The following CLEC18A variants were observed in gnomAD, a reference collection of about 807,000 sequenced individuals.
CLEC18A encodes mannose receptor-like 1.
Under a neutral mutation model 24.0 loss-of-function variants are expected in CLEC18A, and 5 were observed. The ratio of observed to expected loss-of-function variants is 0.21; its 90% CI spans 0.11 to 0.44. The LOEUF (loss-of-function observed/expected upper bound fraction) is 0.44, where lower values mean the gene tolerates loss of function less well. Ranked by LOEUF, CLEC18A falls within the 20% of genes least tolerant of loss-of-function variation. The pLI is 0.99. For synonymous variants in CLEC18A, 29 were observed against 100.1 expected (o/e 0.29, Z 4.24); for missense variants, 83 against 233.4 (o/e 0.36, Z 4.20).
At chr16:69,953,575 G>A (rs2058985977) in intron 2 of CLEC18A, 1 of 142,492 alleles carries the variant, frequency 7.0e-6, no homozygotes, top group Admixed American at 7.1e-5. Flanking sequence ...CAGCACTCTG[G>A]GAGGCTGACA....
upstream of CLEC18A, among the ~76,000 whole-genome samples, chr16:69,946,466 C>T (rs1469717204): frequency 7.2e-6 from 1 of 138,028 alleles, no homozygotes; most frequent in Non-Finnish European, 1.5e-5. Context: ...GGCGCAATCT[C>T]GGCTCACTGT....
rs1381536208 is a variant in CLEC18A, at chr16:69,956,517, G to A, written c.456+1944G>A. Among the ~76,000 whole-genome samples the A allele has an allele frequency of 1.0e-4, 12 of 119,762 alleles. 1 individual carries two copies. The highest frequency in any genetic ancestry group is 1.7e-4 in the Non-Finnish European group (10 of 59,990). The allele number at this position is 119,762 out of a possible 152,430, so 78.6% of individuals were successfully genotyped here. ...ACTGCAGGCACACGCCACCACACCC[G>A]GCTATTTTTTTGTATTTTGTTTAGT... On this transcript the variant is annotated intron_variant, in intron 3 of 11. Transcript: ENST00000288040.
downstream of CLEC18A, among the ~76,000 whole-genome samples, chr16:69,965,229 C>G (rs1174981200): frequency 6.6e-6 from 1 of 151,882 alleles, no homozygotes; most frequent in African/African-American, 2.4e-5. Flanking sequence ...CTCTCTCTAC[C>G]TCCCGCGAAG....
chr16:69,948,513 CAGCTATGCATG>C (rs2058915352), upstream of CLEC18A, among the ~76,000 whole-genome samples: 2 of 151,826 alleles, frequency 1.3e-5, no homozygotes, highest in Non-Finnish European at 2.9e-5. Flanking sequence ...GAAGAGGTAT[CAGCTATGCATG>C]AGCTGGAGAG....
chr16:69,947,953 G>A (rs1597203387), upstream of CLEC18A, among the ~76,000 whole-genome samples: 1 of 17,566 alleles, frequency 5.7e-5, no homozygotes, highest in Non-Finnish European at 8.7e-5. Flanking sequence ...GACCTCAGGC[G>A]ATCCGCCCAC....
intron 3 of CLEC18A, among the ~76,000 whole-genome samples, chr16:69,955,509 C>CA (rs1302877983): frequency 1.3e-5 from 2 of 151,326 alleles, no homozygotes; most frequent in Non-Finnish European, 2.9e-5. Flanking sequence ...AGCCACCACA[C>CA]CCCACTAATT....
chr16:69,946,411 T>TGAGAA (rs2058911251), upstream of CLEC18A, among the ~76,000 whole-genome samples: 2 of 64,884 alleles, frequency 3.1e-5, no homozygotes, highest in African/African-American at 6.7e-5. Context: ...TTTTTTTTTT[T>TGAGAA]TTTTTTGAGA....
At chr16:69,948,374 GT>G (rs59792189), upstream of CLEC18A, among the ~76,000 whole-genome samples, 1 of 126,534 alleles carries the variant, frequency 7.9e-6, no homozygotes, top group Non-Finnish European at 1.6e-5. Flanking sequence ...AGAGTTAAAT[GT>G]TTTTTTTGTT....
chr16:69,953,120 A>G (rs2058977799), intron 2 of CLEC18A: 1 of 152,172 alleles, frequency 6.6e-6, no homozygotes, highest in Non-Finnish European at 1.5e-5. Flanking sequence ...AGAAAACTTC[A>G]TTTCCGTAAA....
At chr16:69,954,724 G>T in intron 3 of CLEC18A, 151 bp downstream of exon 3, 1 of 1,475,838 alleles carries the variant, frequency 6.8e-7, no homozygotes, top group Non-Finnish European at 9.0e-7. Flanking sequence ...TTGATACGGA[G>T]TCTTGCTCTG....
rs144215595 is a variant in CLEC18A at position 69,954,556 on chromosome 16, T to G, written c.439T>G (p.Cys147Gly). The G allele has an allele frequency of 2.1e-4, 334 of 1,611,440 alleles. 2 individuals are homozygous for G. The Middle Eastern group carries it at 5.4e-3, about 26-fold the overall frequency. The change falls in exon 3 of 12, where the codon TGC becomes GGC. Residue 147 changes from cysteine (C) to glycine (G), a missense_variant. This residue lies in a region of CLEC18A where 71 missense variants were observed against 107.4 expected (regional missense o/e 0.66). Coordinates refer to ENST00000288040, the MANE Select transcript of CLEC18A (RefSeq NM_001370523.4). ...AAGECARNAT[C>G]THYTQLVWAT... Reference sequence around the variant, plus strand: ...AGGAGAGTGTGCTCGCAACGCCACCTGCACCCACTACACGCAGGTGAGTGT... The same window carrying G: ...AGGAGAGTGTGCTCGCAACGCCACCGGCACCCACTACACGCAGGTGAGTGT...
At chr16:69,946,429 ACT>A (rs1567454955), upstream of CLEC18A, among the ~76,000 whole-genome samples, 4 of 113,926 alleles carry the variant, frequency 3.5e-5, no homozygotes, top group African/African-American at 1.4e-4. Context: ...AGAATGAGTC[ACT>A]CTGTCGCCTA....
At chr16:69,953,131 G>A (rs1333081288) in intron 2 of CLEC18A, 3 of 152,416 alleles carry the variant, frequency 2.0e-5, no homozygotes, top group East Asian at 3.8e-4. Context: ...TTTCCGTAAA[G>A]GTGCAAATGG....
chr16:69,945,012 C>T, the CLEC18A span, among the ~76,000 whole-genome samples: 1 of 145,840 alleles, frequency 6.9e-6, no homozygotes, highest in African/African-American at 2.7e-5. Flanking sequence ...CATGGTGGTG[C>T]ATGCCCATAG....
downstream of CLEC18A, among the ~76,000 whole-genome samples, chr16:69,965,096 C>T (rs1959332567): frequency 6.6e-6 from 1 of 151,670 alleles, no homozygotes; most frequent in Non-Finnish European, 1.5e-5. Flanking sequence ...GGCCCGGCGC[C>T]GGCCCAGTCT....
At chr16:69,955,837 G>C (rs1463905420) in intron 3 of CLEC18A, among the ~76,000 whole-genome samples, 2 of 151,808 alleles carry the variant, frequency 1.3e-5, no homozygotes, top group East Asian at 3.9e-4. Flanking sequence ...ACGAATATTT[G>C]TTGAGGGTCT....
At chr16:69,964,238 ATGTC>A (rs1378897074), downstream of CLEC18A, 2 of 141,234 alleles carry the variant, frequency 1.4e-5, no homozygotes, top group African/African-American at 2.6e-5. Context: ...GTTGCTCTGA[ATGTC>A]TGGGAGACGA....
At chr16:69,955,629 C>T (rs1308115169) in intron 3 of CLEC18A, among the ~76,000 whole-genome samples, 4 of 148,196 alleles carry the variant, frequency 2.7e-5, no homozygotes, top group East Asian at 2.0e-4. Flanking sequence ...TGGGATTACG[C>T]GTGTGAGACA....
the CLEC18A span, among the ~76,000 whole-genome samples, chr16:69,945,470 C>G: frequency 6.6e-6 from 1 of 152,216 alleles, no homozygotes; most frequent in African/African-American, 2.4e-5. Flanking sequence ...TTTGGTTATT[C>G]TAATTCCTTT....
Sources: allele counts gnomAD v4.1 joint callset (sites outside exome capture counted in the v4.1 genomes callset), GRCh38; gene constraint gnomAD v4.1.1; regional missense constraint gnomAD v4.1.1; transcripts MANE v1.5; gene names NCBI Gene and HGNC (gene_info 2026-07-23, HGNC 2026-07-21).